The following BRD10 variants were observed in gnomAD, a reference collection of about 807,000 sequenced individuals.
BRD10 encodes uncharacterized bromodomain-containing protein 10.
chr9:5,915,921 T>C, the BRD10 span, among the ~76,000 whole-genome samples: 4 of 152,022 alleles, frequency 2.6e-5, no homozygotes, highest in Admixed American at 6.6e-5. Context: ...ATTCTTAAAG[T>C]AATTAAGATG....
chr9:5,922,147 C>T, the BRD10 span: 1 of 1,613,952 alleles, frequency 6.2e-7, no homozygotes, highest in East Asian at 2.2e-5. Flanking sequence ...CACCTCGTGT[C>T]CTAACAAGAA....
At chr9:5,919,621 A>G in the BRD10 span, 13 of 1,450,934 alleles carry the variant, frequency 9.0e-6, no homozygotes, top group East Asian at 2.9e-4. Flanking sequence ...ATAAACATTG[A>G]AAATTTTTAT....
the BRD10 span, chr9:6,007,285 C>T: frequency 2.5e-6 from 4 of 1,613,948 alleles, no homozygotes; most frequent in Non-Finnish European, 3.4e-6. Flanking sequence ...CAGGCGGTAG[C>T]ACGTCTCCAG....
chr9:5,908,631 T>C, the BRD10 span: 1 of 1,613,290 alleles, frequency 6.2e-7, no homozygotes, highest in Non-Finnish European at 8.5e-7. Flanking sequence ...CCCTTTCTTG[T>C]TCTCACAGGT....
the BRD10 span, among the ~76,000 whole-genome samples, chr9:5,982,211 C>T: frequency 1.3e-5 from 2 of 152,004 alleles, no homozygotes; most frequent in African/African-American, 4.8e-5. Flanking sequence ...AGTAATTGAA[C>T]CAAACTTACC....
the BRD10 span, chr9:5,921,219 T>C: frequency 2.7e-4 from 438 of 1,613,840 alleles, 1 homozygote; most frequent in Non-Finnish European, 3.5e-4. Context: ...ATTGATGGTA[T>C]AGCTGGCACA....
At chr9:5,906,710 T>A in the BRD10 span, among the ~76,000 whole-genome samples, 2 of 152,372 alleles carry the variant, frequency 1.3e-5, no homozygotes, top group Non-Finnish European at 1.5e-5. Flanking sequence ...GGTATTATAT[T>A]CCTAGATGCA....
chr9:5,922,424 G>C, the BRD10 span: 2 of 1,613,972 alleles, frequency 1.2e-6, no homozygotes, highest in Middle Eastern at 1.6e-4. Flanking sequence ...ACTTACAGAG[G>C]TTACAGGCGA....
At chr9:5,904,517 G>GAT in the BRD10 span, among the ~76,000 whole-genome samples, 6 of 152,272 alleles carry the variant, frequency 3.9e-5, no homozygotes, top group Admixed American at 3.9e-4. Context: ...CTGTCGCCCA[G>GAT]GCTGGAGTGC....
the BRD10 span, among the ~76,000 whole-genome samples, chr9:5,978,599 A>G: frequency 6.6e-6 from 1 of 152,172 alleles, no homozygotes; most frequent in East Asian, 1.9e-4. Context: ...TGGCTAGCTG[A>G]AGCAGAAAAG....
At chr9:5,926,016 C>A in the BRD10 span, among the ~76,000 whole-genome samples, 315 of 152,270 alleles carry the variant, frequency 2.1e-3, 1 homozygote, top group Non-Finnish European at 3.9e-3. Flanking sequence ...CTCCCAGGTT[C>A]AAGCAGTTCT....
the BRD10 span, chr9:5,921,429 C>A: frequency 3.0e-5 from 48 of 1,613,882 alleles, no homozygotes; most frequent in Non-Finnish European, 4.0e-5. Flanking sequence ...GATTCTGCAA[C>A]AAGAGTTGGG....
At chr9:5,988,246 C>T in the BRD10 span, 1 of 770,074 alleles carries the variant, frequency 1.3e-6, no homozygotes, top group Non-Finnish European at 2.2e-6. Flanking sequence ...ACTTTTGTAA[C>T]AATGCATTTT....
the BRD10 span, chr9:5,969,473 G>C: frequency 7.7e-7 from 1 of 1,300,406 alleles, no homozygotes; most frequent in Non-Finnish European, 1.0e-6. Context: ...TTATTATTCA[G>C]AGGGTACCAT....
chr9:6,007,489 G>A, the BRD10 span: 4 of 1,612,182 alleles, frequency 2.5e-6, no homozygotes, highest in Non-Finnish European at 1.7e-6. Flanking sequence ...CTGCAGAAAG[G>A]GGGCGGTGAG....
At chr9:5,953,737 AT>A in the BRD10 span, among the ~76,000 whole-genome samples, 114 of 151,832 alleles carry the variant, frequency 7.5e-4, no homozygotes, top group African/African-American at 2.7e-3. Context: ...TATATATATT[AT>A]TTCTATTAAA....
At chr9:5,953,196 TACTTG>T in the BRD10 span, among the ~76,000 whole-genome samples, 1 of 152,172 alleles carries the variant, frequency 6.6e-6, no homozygotes. Flanking sequence ...TTTTCATCTC[TACTTG>T]ACTTGAGACT....
chr9:5,921,921 C>G, the BRD10 span: 1 of 1,613,898 alleles, frequency 6.2e-7, no homozygotes, highest in East Asian at 2.2e-5. Flanking sequence ...GCAAAGCTAG[C>G]TGGAATGGAA....
At chr9:5,968,033 T>C in the BRD10 span, 2 of 1,520,908 alleles carry the variant, frequency 1.3e-6, no homozygotes, top group Admixed American at 2.3e-5. Context: ...TTTGTGCTTC[T>C]TGTGTTTTGC....
Sources: gnomAD v4.1 joint callset for allele counts (sites outside exome capture counted in the v4.1 genomes callset) on GRCh38, gnomAD v4.1.1 for gene constraint, MANE v1.5 for transcripts, NCBI Gene and HGNC (gene_info 2026-07-23, HGNC 2026-07-21) for gene names.